Variants in SLFN12 observed in about 807,000 individuals in gnomAD.
The protein encoded by SLFN12 is ribonuclease SLFN12.
In SLFN12, 25 loss-of-function variants were observed where a neutral mutation model predicts 29.1. The ratio of observed to expected loss-of-function variants is 0.86; its 90% confidence interval spans 0.63 to 1.20. The LOEUF (loss-of-function observed/expected upper bound fraction) is 1.20. SLFN12 is among the 50% of genes most tolerant of loss of function. SLFN12 has a pLI of 0.00. For missense variants in SLFN12, 660 were observed against 666.2 expected, an observed-to-expected ratio of 0.99 and a Z score of 0.10; for synonymous variants, 257 against 238.7, an observed-to-expected ratio of 1.08 and a Z score of -0.71.
At position 35,411,077 on chromosome 17, in the gene SLFN12, T is replaced by G. The variant is rs1351017159; in HGVS notation, c.*261A>C. 4.1e-6 allele frequency: 1 copy of G among 245,522 alleles called. No individual in the cohort carries two copies. The highest frequency in any genetic ancestry group is 2.2e-5 in the African/African-American group (1 of 44,804). 15.2% of individuals were successfully genotyped at this position (245,522 alleles called of 1,614,324 possible). A position where few individuals can be genotyped will look rare whatever the true frequency, so the allele number is the denominator to read the frequency against. ...TGTTGCAATTTTCCCAGTTCAAGCA[T>G]GGAAGAAAATTTATTCAGGAACTAC... is the stretch of plus-strand genomic sequence containing the variant. On this transcript the variant is annotated 3_prime_UTR_variant, in exon 4 of 4. Coordinates refer to ENST00000304905, the MANE Select transcript of SLFN12 (RefSeq NM_018042.5).
intron 1 of SLFN12, among the ~76,000 whole-genome samples, chr17:35,425,250 T>C (rs977387094): frequency 6.6e-6 from 1 of 152,130 alleles, no homozygotes; most frequent in Non-Finnish European, 1.5e-5. Context: ...TAAGCGATGA[T>C]CATGGCACTG....
chr17:35,427,894 T>C (rs150728652), intron 1 of SLFN12, among the ~76,000 whole-genome samples: 44 of 152,228 alleles, frequency 2.9e-4, no homozygotes, highest in African/African-American at 8.2e-4. Flanking sequence ...TTCAATTATA[T>C]ATACAGATAC....
In SLFN12 at chr17:35,411,723, C is replaced by T. The variant is rs760267731; in HGVS notation, c.1352G>A (p.Ser451Asn). ...LCDALLISQD[S>N]PPVLYTFHMV... is the part of the protein sequence containing the mutation. ...GTGGAAGGTGTATAGGACTGGAGGA[C>T]TGTCCTGGGAAATCAGAAGAGCATC... Residue 451 changes from serine to asparagine, a missense_variant, in exon 4 of 4, where the codon AGT (serine) becomes AAT (asparagine). Ser to Asn is a conservative substitution (Grantham distance 46). Coordinates refer to ENST00000304905, the MANE Select transcript of SLFN12 (RefSeq NM_018042.5). The T allele has an allele frequency of 6.2e-7, 1 of 1,613,412 alleles. No homozygotes were observed.
Position 35,422,399 on chromosome 17 carries a change from C to T in SLFN12, c.630G>A (p.Ser210=), listed in dbSNP as rs1244887723. Residue 210 remains serine, a synonymous_variant, in exon 2 of 4, where the codon TCG becomes TCA. Transcript: ENST00000304905. The part of the protein sequence containing the change: ...ESTHVEIKNF[S]TEKLLQRIKE... ...TAATTCGTTGTAACAACTTTTCTGT[C>T]GAGAAGTTTTTAATTTCAACATGTG... The T allele has an allele frequency of 1.2e-6, 2 of 1,613,730 alleles. No individual in the cohort carries two copies. The highest frequency in any genetic ancestry group is 1.1e-5 in the South Asian group (1 of 90,988).
intron 1 of SLFN12, among the ~76,000 whole-genome samples, chr17:35,423,857 C>T (rs1911848431): frequency 6.6e-6 from 1 of 152,128 alleles, no homozygotes; most frequent in South Asian, 2.1e-4. Context: ...AACACTAGCT[C>T]ATCCCTTCCA....
rs781037139 is a variant in SLFN12, at chr17:35,422,935, T to C, written c.94A>G (p.Lys32Glu). The change falls in exon 2 of 4, where the codon AAG (lysine) becomes GAG (glutamate). Residue 32 changes from lysine to glutamate, a missense_variant. By Grantham distance (56) the Lys-to-Glu change is moderately conservative. Coordinates refer to ENST00000304905, the MANE Select transcript of SLFN12 (RefSeq NM_018042.5). ...TLGENSRKKM[K>E]DCKLRKKQNE... ...TGCTTTTTTCTCAGTTTACAATCCT[T>C]CATTTTTTTCCTACTGTTCTCTCCA... 1.9e-6 allele frequency: 3 copies of C among 1,613,920 alleles called. No individual in the cohort carries two copies. Among genetic ancestry groups the C allele is most frequent in the South Asian group, 2.2e-5 (2 of 91,078 alleles).
At chr17:35,414,311 A>G (rs1348334516) in intron 3 of SLFN12, among the ~76,000 whole-genome samples, 1 of 152,118 alleles carries the variant, frequency 6.6e-6, no homozygotes, top group Non-Finnish European at 1.5e-5. Flanking sequence ...TAGCATTTCC[A>G]TACACTAACA....
intron 3 of SLFN12, among the ~76,000 whole-genome samples, chr17:35,418,455 A>T (rs1193439667): frequency 6.6e-6 from 1 of 152,116 alleles, no homozygotes. Context: ...CACCTAATTT[A>T]TAGAAAATAT....
chr17:35,425,244 C>T (rs749875988), intron 1 of SLFN12, among the ~76,000 whole-genome samples: 2 of 152,074 alleles, frequency 1.3e-5, no homozygotes, highest in South Asian at 2.1e-4. Context: ...CTGCAGTAAG[C>T]GATGATCATG....
chr17:35,424,582 G>A (rs568688540), intron 1 of SLFN12, among the ~76,000 whole-genome samples: 5 of 152,262 alleles, frequency 3.3e-5, no homozygotes, highest in African/African-American at 1.2e-4. Context: ...ATCATAGGTA[G>A]TAATTGCTAT....
chr17:35,417,707 T>G (rs1911394193), intron 3 of SLFN12, among the ~76,000 whole-genome samples: 1 of 152,130 alleles, frequency 6.6e-6, no homozygotes. Context: ...ATGATCTGCA[T>G]ATTTGTTTAT....
intron 3 of SLFN12, among the ~76,000 whole-genome samples, chr17:35,416,822 G>A (rs1911345578): frequency 1.3e-5 from 2 of 152,054 alleles, no homozygotes; most frequent in African/African-American, 4.8e-5. Context: ...GATAGGCTGA[G>A]GCAGTTGGAT....
Position 35,422,912 on chromosome 17 carries a change from C to CT in SLFN12, c.116dup (p.Gln40AlafsTer3). Reference sequence around the variant, plus strand: ...TAGCTCGTGAGACACTTTCATTCTGCTTTTTTCTCAGTTTACAATCCTTCA... The same window carrying CT: ...TAGCTCGTGAGACACTTTCATTCTGCTTTTTTTCTCAGTTTACAATCCTTCA... On this transcript the variant is annotated frameshift_variant, in exon 2 of 4. Coordinates refer to ENST00000304905, the MANE Select transcript of SLFN12 (RefSeq NM_018042.5). LOFTEE classifies it high-confidence loss of function. The CT allele has an allele frequency of 1.2e-6, 2 of 1,613,954 alleles. No homozygotes were observed. Among genetic ancestry groups the CT allele is most frequent in the Non-Finnish European group, 1.7e-6 (2 of 1,179,972 alleles).
intron 3 of SLFN12, among the ~76,000 whole-genome samples, chr17:35,413,176 G>A (rs534433106): frequency 6.6e-6 from 1 of 151,860 alleles, no homozygotes; most frequent in Admixed American, 6.5e-5. Flanking sequence ...AATAAGATAA[G>A]CAATATTTGA....
intron 1 of SLFN12, among the ~76,000 whole-genome samples, chr17:35,427,158 G>T (rs1195686619): frequency 6.6e-6 from 1 of 152,174 alleles, no homozygotes; most frequent in Non-Finnish European, 1.5e-5. Context: ...GCCTCCTCAA[G>T]ACTAAGACCT....
In SLFN12 at chr17:35,417,901, G is replaced by A. The variant is rs377583737; in HGVS notation, c.1147+2373C>T. On this transcript the variant is annotated intron_variant, in intron 3 of 3. Transcript: ENST00000304905. ...AAAAATAAAAGGAACCTAGACATAA[G>A]TGTAATAAAAGATGTACAAAATGTG... Among the ~76,000 whole-genome samples, 8 of 151,968 alleles carry A rather than the reference G, an allele frequency of 5.3e-5. No homozygotes were observed. In the South Asian group the frequency reaches 1.7e-3, roughly 31 times the overall value.
chr17:35,423,184 G>A lies in SLFN12; in HGVS notation c.-40-116C>T, dbSNP rs114876585. ...TGTATATATTCTACTAGACTGGTAA[G>A]TATATGGATATGAAGAGACTGGCAA... is the stretch of plus-strand genomic sequence containing the variant. On this transcript the variant is annotated intron_variant, in intron 1 of 3. Transcript: ENST00000304905. The A allele has an allele frequency of 1.3e-3, 1,506 of 1,187,358 alleles. 18 individuals carry two copies. The African/African-American group carries it at 0.019, about 15-fold the overall frequency. The allele number at this position is 1,187,358 out of a possible 1,614,324, so 73.6% of individuals were successfully genotyped here.
intron 2 of SLFN12, among the ~76,000 whole-genome samples, chr17:35,421,255 A>AATAAATAAATAG (rs202080729): frequency 1.6e-4 from 24 of 146,934 alleles, no homozygotes; most frequent in East Asian, 1.6e-3. Context: ...TAAATAAATA[A>AATAAATAAATAG]ATAGAAAGGG....
In SLFN12 at chr17:35,413,684, G is replaced by A. The variant is rs1911160700; in HGVS notation, c.1148-1757C>T. Among the ~76,000 whole-genome samples, 2 of 151,406 alleles carry A rather than the reference G, an allele frequency of 1.3e-5. 1 individual carries two copies. Among genetic ancestry groups the A allele is most frequent in the Non-Finnish European group, 2.9e-5 (2 of 67,908 alleles). ...GAATCGCTTGAACCCGGGAGGTGGA[G>A]GTTGCAGGGTGCCAAGATAGCGCCA... On this transcript the variant is annotated intron_variant, in intron 3 of 3. Coordinates refer to ENST00000304905, the MANE Select transcript of SLFN12 (RefSeq NM_018042.5).
Sources: gnomAD v4.1 joint callset for allele counts (sites outside exome capture counted in the v4.1 genomes callset) on GRCh38, gnomAD v4.1.1 for gene constraint, MANE v1.5 for transcripts, NCBI Gene and HGNC (gene_info 2026-07-23, HGNC 2026-07-21) for gene names.